OAT: variants seen among roughly 807,000 people sequenced by gnomAD.
OAT encodes ornithine aminotransferase, mitochondrial.
In OAT, 35 loss-of-function variants were observed where a neutral mutation model predicts 48.4. The ratio of observed to expected loss-of-function variants is 0.72; its 90% CI spans 0.55 to 0.96. OAT has a LOEUF of 0.96. Among genes scored for constraint, OAT ranks in the 40% least tolerant of loss-of-function variants. The pLI is 0.00. For synonymous variants in OAT, 182 were observed against 198.4 expected (o/e 0.92, Z 0.70); for missense variants, 438 against 537.9 (o/e 0.81, Z 1.84).
intron 9 of OAT, among the ~76,000 whole-genome samples, chr10:124,399,184 CAT>C (rs1951324368): frequency 6.6e-6 from 1 of 152,032 alleles, no homozygotes; most frequent in Non-Finnish European, 1.5e-5. Flanking sequence ...CTGAGCTCAA[CAT>C]ATTATAGCAG....
chr10:124,409,220 A>C (rs554884288), intron 2 of OAT, among the ~76,000 whole-genome samples: 1 of 152,370 alleles, frequency 6.6e-6, no homozygotes, highest in African/African-American at 2.4e-5. Flanking sequence ...TAAACTCTGG[A>C]GTAAAACCTT....
At chr10:124,417,433 C>T (rs1408577294) in intron 1 of OAT, among the ~76,000 whole-genome samples, 1 of 151,788 alleles carries the variant, frequency 6.6e-6, no homozygotes, top group African/African-American at 2.4e-5. Flanking sequence ...TACAGGCGCG[C>T]ACCACGATGT....
In OAT at chr10:124,410,681, C is replaced by T. The variant is rs191116385; in HGVS notation, c.199+1292G>A. On this transcript the variant is annotated intron_variant, in intron 2 of 9. Transcript: ENST00000368845. ...GGCATGGTAAGGCACACCTGTAGTC[C>T]CAGCTACTTGGGAAGCTGAGGTGGG... 8.7e-4 allele frequency among the ~76,000 whole-genome samples: 132 copies of T among 152,206 alleles called. 1 individual carries two copies. The highest frequency in any genetic ancestry group is 3.1e-3 in the African/African-American group (130 of 41,522).
chr10:124,408,527 T>C lies in OAT; in HGVS notation c.520+15A>G, dbSNP rs1951664263. 1.3e-6 allele frequency: 2 copies of C among 1,587,002 alleles called. No homozygotes were observed. Among genetic ancestry groups the C allele is most frequent in the African/African-American group, 2.7e-5 (2 of 74,188 alleles). On this transcript the variant is annotated intron_variant, in intron 4 of 9. Coordinates refer to ENST00000368845, the MANE Select transcript of OAT (RefSeq NM_000274.4). ...TATGTTTCAATCATAGAAGTTAATA[T>C]TTAATTTCACATACCTGCAAAAACA...
chr10:124,405,489 G>T lies in OAT; in HGVS notation c.595C>A (p.Pro199Thr), dbSNP rs1329782001. The T allele has an allele frequency of 6.2e-7, 1 of 1,614,008 alleles. No homozygotes were observed. The highest frequency in any genetic ancestry group is 8.5e-7 in the Non-Finnish European group (1 of 1,180,012). ...TDPTSYDGFG[P>T]FMPGFDIIPY... is the part of the protein sequence containing the mutation. ...ATGATGTCGAATCCCGGCATAAATG[G>T]TCCAAAACCATCGTAACTGGTTGGG... The change falls in exon 5 of 10, where the codon CCA becomes ACA. Residue 199 changes from proline to threonine, a missense_variant. Coordinates refer to ENST00000368845, the MANE Select transcript of OAT (RefSeq NM_000274.4).
At chr10:124,412,999 C>T (rs1951804078) in intron 1 of OAT, among the ~76,000 whole-genome samples, 1 of 152,084 alleles carries the variant, frequency 6.6e-6, no homozygotes, top group Admixed American at 6.6e-5. Flanking sequence ...AGGCATGGGG[C>T]AGGAGACAGA....
intron 9 of OAT, among the ~76,000 whole-genome samples, chr10:124,399,338 C>CT (rs937720307): frequency 0.43 from 25,152 of 58,208 alleles, 4,570 homozygotes; most frequent in East Asian, 0.57. Flanking sequence ...CCAGGTGATT[C>CT]TTTTTTTTTT....
At chr10:124,416,257 T>C (rs75196630) in intron 1 of OAT, among the ~76,000 whole-genome samples, 2 of 152,300 alleles carry the variant, frequency 1.3e-5, no homozygotes, top group Non-Finnish European at 2.9e-5. Flanking sequence ...CTAGCCCAGG[T>C]TGGGCATCCT....
intron 4 of OAT, among the ~76,000 whole-genome samples, 198 bp downstream of exon 4, chr10:124,408,344 T>TATATATA (rs1491272664): frequency 1.8e-4 from 15 of 81,848 alleles, no homozygotes; most frequent in South Asian, 4.4e-4. Flanking sequence ...TATATATATA[T>TATATATA]TTTTTTTTTT....
chr10:124,415,671 G>A (rs533073566), intron 1 of OAT, among the ~76,000 whole-genome samples: 68 of 152,322 alleles, frequency 4.5e-4, no homozygotes, highest in Non-Finnish European at 7.9e-4. Flanking sequence ...AGAATCAAGC[G>A]GAAAATCCCG....
In OAT at chr10:124,414,773, G is replaced by A. The variant is rs996562225; in HGVS notation, c.-29-2573C>T. Among the ~76,000 whole-genome samples, 5 of 151,990 alleles carry A rather than the reference G, an allele frequency of 3.3e-5. No individual in the cohort carries two copies. The East Asian group carries it at 5.8e-4, about 18-fold the overall frequency. ...TAAAACACTCAGGCAATACTTAGTG[G>A]TGCTCTAAACCGTAACAACTTTCTA... On this transcript the variant is annotated intron_variant, in intron 1 of 9. Coordinates refer to ENST00000368845, the MANE Select transcript of OAT (RefSeq NM_000274.4).
chr10:124,406,017 C>A, intron 4 of OAT: 1 of 1,038,268 alleles, frequency 9.6e-7, no homozygotes, highest in Non-Finnish European at 1.2e-6. Context: ...CAACAGAATG[C>A]ATTTCCAATT....
chr10:124,408,590 A>G lies in OAT; in HGVS notation c.472T>C (p.Tyr158His), dbSNP rs934441016. ...TACKLARKWG[Y>H]TVKGIQKYKA... ...TATTTCTGAATGCCCTTCACGGTAT[A>G]GCCCCACTTACGAGCTAGTTTACAG... The change falls in exon 4 of 10, where the codon TAT (tyrosine) becomes CAT (histidine). Residue 158 changes from tyrosine (Y) to histidine (H), a missense_variant. Transcript: ENST00000368845. 1 of 1,612,918 alleles carries G rather than the reference A, an allele frequency of 6.2e-7. No individual in the cohort carries two copies. The highest frequency in any genetic ancestry group is 8.5e-7 in the Non-Finnish European group (1 of 1,179,868).
At position 124,408,687 on chromosome 10, in the gene OAT, A is replaced by G. The variant is rs2807073; in HGVS notation, c.425-50T>C. The G allele has an allele frequency of 8.4e-4, 1,335 of 1,585,350 alleles. 9 individuals carry two copies. In the African/African-American group the frequency reaches 0.016, roughly 19 times the overall value. On this transcript the variant is annotated intron_variant, in intron 3 of 9. Coordinates refer to ENST00000368845, the MANE Select transcript of OAT (RefSeq NM_000274.4). ...ATTTTTTTAAAATGTTAAACTATCA[A>G]AAAATAAAAAGATTATTTTTGAGGG...
At chr10:124,400,047 T>C (rs1012470343) in intron 9 of OAT, among the ~76,000 whole-genome samples, 1 of 152,214 alleles carries the variant, frequency 6.6e-6, no homozygotes, top group Non-Finnish European at 1.5e-5. Flanking sequence ...AAAAGAGCTA[T>C]ATTTTTTATA....
chr10:124,415,589 A>G (rs1951893495), intron 1 of OAT, among the ~76,000 whole-genome samples: 1 of 152,238 alleles, frequency 6.6e-6, no homozygotes, highest in Non-Finnish European at 1.5e-5. Flanking sequence ...GAAATCTTAG[A>G]GCAGAATTAA....
At chr10:124,398,625 T>C (rs1006005062) in intron 9 of OAT, among the ~76,000 whole-genome samples, 4 of 143,668 alleles carry the variant, frequency 2.8e-5, no homozygotes, top group East Asian at 2.0e-4. Context: ...TGATTAGACA[T>C]ATCATAGTTT....
chr10:124,403,396 A>G (rs1332104856), intron 6 of OAT: 9 of 431,264 alleles, frequency 2.1e-5, no homozygotes, highest in Non-Finnish European at 2.6e-5. Flanking sequence ...TTATTCCACA[A>G]GCATTTAATA....
At chr10:124,402,817 AAAATC>A in intron 7 of OAT, 105 bp downstream of exon 7, 1 of 1,470,406 alleles carries the variant, frequency 6.8e-7, no homozygotes, top group Non-Finnish European at 9.4e-7. Flanking sequence ...CACACTTGGT[AAAATC>A]AAACAATCTG....
Sources: gnomAD v4.1 joint callset for allele counts (sites outside exome capture counted in the v4.1 genomes callset) on GRCh38, gnomAD v4.1.1 for gene constraint, MANE v1.5 for transcripts, NCBI Gene and HGNC (gene_info 2026-07-23, HGNC 2026-07-21) for gene names.